Variants in LAMC1 observed in about 807,000 individuals in gnomAD.
LAMC1 encodes laminin subunit gamma-1.
LAMC1 carries 38 observed loss-of-function variants against 173.6 expected under a neutral mutation model. That is an observed-to-expected ratio of 0.22 (90% CI 0.17 to 0.29). The LOEUF (loss-of-function observed/expected upper bound fraction) is 0.29. Among genes scored for constraint, LAMC1 ranks in the 10% least tolerant of loss-of-function variants. The probability of loss-of-function intolerance (pLI) is 1.00; values close to 1 mark genes in which losing one functional copy is unlikely to be tolerated. For missense variants in LAMC1, 1,824 were observed against 2,051.8 expected (o/e 0.89, Z 2.14); for synonymous variants, 746 against 749.1 (o/e 1.00, Z 0.07).
chr1:183,050,832 A>G (rs1414144199), intron 1 of LAMC1, among the ~76,000 whole-genome samples: 1 of 149,556 alleles, frequency 6.7e-6, no homozygotes, highest in Non-Finnish European at 1.5e-5. Context: ...TGGAGGTTGC[A>G]ATGAGCCAAG....
chr1:183,083,928 G>T (rs1421136823), intron 1 of LAMC1, among the ~76,000 whole-genome samples: 1 of 152,108 alleles, frequency 6.6e-6, no homozygotes, highest in African/African-American at 2.4e-5. Flanking sequence ...GCTGTCACTG[G>T]AAGTCACTGG....
At chr1:183,091,606 AAAAT>A (rs765846662) in intron 1 of LAMC1, among the ~76,000 whole-genome samples, 3 of 152,168 alleles carry the variant, frequency 2.0e-5, no homozygotes, top group Non-Finnish European at 4.4e-5. Flanking sequence ...TCTTCTCTGA[AAAAT>A]AAATATTTCT....
intron 1 of LAMC1, among the ~76,000 whole-genome samples, chr1:183,051,344 A>C (rs998232957): frequency 2.0e-5 from 3 of 152,306 alleles, no homozygotes; most frequent in Middle Eastern, 3.4e-3. Flanking sequence ...ACAGGACATG[A>C]GCAGGCATTT....
chr1:183,027,603 A>T (rs1319325005), intron 1 of LAMC1, among the ~76,000 whole-genome samples: 1 of 152,246 alleles, frequency 6.6e-6, no homozygotes, highest in Non-Finnish European at 1.5e-5. Context: ...ATCAAAGTTT[A>T]TGAAACTCCT....
At position 183,114,573 on chromosome 1, in the gene LAMC1, C is replaced by G. The variant is rs774602038; in HGVS notation, c.1064C>G (p.Pro355Arg). 6.2e-7 allele frequency: 1 copy of G among 1,614,204 alleles called. No individual in the cohort carries two copies. The highest frequency in any genetic ancestry group is 1.3e-5 in the African/African-American group (1 of 75,048). ...CGATCCCAGGAATGCTACTTCGACC[C>G]TGAACTCTATCGTTCCACTGGCCAT... Reference protein sequence around the residue: ...NGRSQECYFDPELYRSTGHGG... With the variant: ...NGRSQECYFDRELYRSTGHGG... The change falls in exon 5 of 28, where the codon CCT becomes CGT. Residue 355 changes from proline to arginine, a missense_variant. Physicochemically the swap from Pro to Arg is moderately radical, Grantham distance 103. Transcript: ENST00000258341.
At chr1:183,112,811 T>C (rs1402918083) in intron 4 of LAMC1, among the ~76,000 whole-genome samples, 1 of 152,170 alleles carries the variant, frequency 6.6e-6, no homozygotes, top group African/African-American at 2.4e-5. Flanking sequence ...TAATTTTTGG[T>C]GGCAATAACT....
In LAMC1 at chr1:183,135,102, A is replaced by C. The variant is rs1217279797; in HGVS notation, c.4060A>C (p.Lys1354Gln). The C allele has an allele frequency of 6.2e-7, 1 of 1,614,054 alleles. No individual in the cohort carries two copies. The highest frequency in any genetic ancestry group is 1.3e-5 in the African/African-American group (1 of 74,946). Residue 1354 changes from lysine to glutamine, a missense_variant, in exon 24 of 28, where the codon AAG (lysine) becomes CAG (glutamine). Transcript: ENST00000258341. ...AAKALAEEAA[K>Q]KGRDTLQEAN... ...CAAGGCCCTCGCTGAAGAAGCTGCA[A>C]AGAAGGGACGGGATACCTTACAAGA...
intron 1 of LAMC1, among the ~76,000 whole-genome samples, chr1:183,030,070 G>T (rs1197792501): frequency 6.6e-6 from 1 of 152,130 alleles, no homozygotes; most frequent in African/African-American, 2.4e-5. Flanking sequence ...AAAATCAGAA[G>T]AATAATATTT....
At chr1:183,126,064 A>T (rs80205231) in intron 15 of LAMC1, 56 bp from the exon 16 acceptor site, 11 of 1,529,412 alleles carry the variant, frequency 7.2e-6, no homozygotes, top group Non-Finnish European at 9.7e-6. Flanking sequence ...AAAAAAAAAA[A>T]GTTGTGCTTA....
At chr1:183,117,015 T>C in intron 8 of LAMC1, 112 bp downstream of exon 8, 2 of 1,103,636 alleles carry the variant, frequency 1.8e-6, no homozygotes, top group South Asian at 3.2e-5. Flanking sequence ...GGCAACACTT[T>C]GTATTATTTA....
chr1:183,103,198 C>T (rs926029979), intron 1 of LAMC1, 130 bp from the exon 2 acceptor site: 3 of 859,072 alleles, frequency 3.5e-6, no homozygotes, highest in Non-Finnish European at 5.4e-6. Context: ...TTTAGAATAG[C>T]CTGTCTTCTT....
intron 27 of LAMC1, among the ~76,000 whole-genome samples, 156 bp from the exon 28 acceptor site, chr1:183,142,378 T>C (rs1459321947): frequency 6.6e-6 from 1 of 152,218 alleles, no homozygotes; most frequent in Non-Finnish European, 1.5e-5. Context: ...GCATATTTTA[T>C]ACCATTGTGT....
chr1:183,082,513 A>AG (rs1202855729), intron 1 of LAMC1, among the ~76,000 whole-genome samples: 3 of 152,210 alleles, frequency 2.0e-5, no homozygotes, highest in African/African-American at 7.2e-5. Context: ...GTCATGGTAA[A>AG]GGAGGTTACT....
rs1329322150 is a variant in LAMC1 at position 183,137,843 on chromosome 1, A to G, written c.4473+16A>G. 4 of 1,580,982 alleles carry G rather than the reference A, an allele frequency of 2.5e-6. No homozygotes were observed. Among genetic ancestry groups the G allele is most frequent in the South Asian group, 1.2e-5 (1 of 85,058 alleles). Reference sequence around the variant, plus strand: ...GGCAGGGATGGTAAGAGGTTTTGGTATATTTGCTCATTGGCAGAAAGTGAA... The same window carrying G: ...GGCAGGGATGGTAAGAGGTTTTGGTGTATTTGCTCATTGGCAGAAAGTGAA... On this transcript the variant is annotated intron_variant, in intron 26 of 27. Coordinates refer to ENST00000258341, the MANE Select transcript of LAMC1 (RefSeq NM_002293.4).
intron 11 of LAMC1, among the ~76,000 whole-genome samples, chr1:183,119,153 TC>T (rs1284119976): frequency 6.6e-5 from 10 of 152,200 alleles, no homozygotes; most frequent in Admixed American, 6.5e-4. Flanking sequence ...TGCCTCGGCC[TC>T]CCAAAGTGCT....
intron 22 of LAMC1, among the ~76,000 whole-genome samples, chr1:183,134,274 A>G (rs920568139): frequency 6.6e-6 from 1 of 152,240 alleles, no homozygotes; most frequent in Non-Finnish European, 1.5e-5. Flanking sequence ...GTCTGATTCT[A>G]TATATTTATA....
chr1:183,078,684 G>GA, intron 1 of LAMC1, among the ~76,000 whole-genome samples: 1 of 151,950 alleles, frequency 6.6e-6, no homozygotes, highest in East Asian at 1.9e-4. Flanking sequence ...ATTCATGTAA[G>GA]AAATTGTAAT....
At chr1:183,057,825 A>G (rs1387632574) in intron 1 of LAMC1, among the ~76,000 whole-genome samples, 1 of 152,082 alleles carries the variant, frequency 6.6e-6, no homozygotes, top group African/African-American at 2.4e-5. Context: ...AATATATGTC[A>G]TATATATCAT....
At chr1:183,142,471 T>C (rs916011648) in intron 27 of LAMC1, 63 bp from the exon 28 acceptor site, 3 of 1,512,430 alleles carry the variant, frequency 2.0e-6, no homozygotes, top group Non-Finnish European at 2.7e-6. Flanking sequence ...GTGCAGGTAC[T>C]TGTGAAGGGA....
Sources: gnomAD v4.1 joint callset for allele counts (sites outside exome capture counted in the v4.1 genomes callset) on GRCh38, gnomAD v4.1.1 for gene constraint, MANE v1.5 for transcripts, NCBI Gene and HGNC (gene_info 2026-07-23, HGNC 2026-07-21) for gene names.